FREM2: variants seen among roughly 807,000 people sequenced by gnomAD.
FREM2 encodes the protein FRAS1 related extracellular matrix 2.
Under a neutral mutation model 219.9 loss-of-function variants are expected in FREM2, and 119 were observed. The ratio of observed to expected loss-of-function variants is 0.54; its 90% CI spans 0.47 to 0.63. FREM2 has a LOEUF of 0.63. Ranked by LOEUF, FREM2 falls within the 30% of genes least tolerant of loss-of-function variation. The probability of loss-of-function intolerance (pLI) is 0.00; values close to 1 mark genes in which losing one functional copy is unlikely to be tolerated. For synonymous variants in FREM2, 1,562 were observed against 1,522.8 expected (o/e 1.03, Z -0.60); for missense variants, 4,030 against 3,993.6 (o/e 1.01, Z -0.25).
In FREM2 at chr13:38,689,441, C is replaced by G. The variant is rs1869698393; in HGVS notation, c.2097C>G (p.Leu699=). The G allele has an allele frequency of 6.2e-7, 1 of 1,614,042 alleles. No individual in the cohort carries two copies. The highest frequency in any genetic ancestry group is 2.2e-5 in the East Asian group (1 of 44,870). The change falls in exon 1 of 24, where the codon CTC becomes CTG. Residue 699 remains leucine (L), a synonymous_variant. Transcript: ENST00000280481. ...FVIRIHPVDR[L]PPELGSGCPL... is the part of the protein sequence containing the mutation. ...TTCGTATCCATCCTGTGGATCGCCTCCCTCCGGAGCTGGGCAGTGGCTGTC... is the reference window on the plus strand; with the variant it reads ...TTCGTATCCATCCTGTGGATCGCCTGCCTCCGGAGCTGGGCAGTGGCTGTC...
intron 2 of FREM2, among the ~76,000 whole-genome samples, chr13:38,740,414 A>G (rs1447128883): frequency 6.6e-6 from 1 of 152,164 alleles, no homozygotes; most frequent in Non-Finnish European, 1.5e-5. Context: ...CAATGTGTAC[A>G]CTATTAGGAG....
At chr13:38,712,675 C>A (rs201159268) in intron 2 of FREM2, among the ~76,000 whole-genome samples, 103 of 139,760 alleles carry the variant, frequency 7.4e-4, no homozygotes, top group African/African-American at 2.6e-3. Context: ...CACACACACA[C>A]AAACACACAC....
At chr13:38,793,264 A>G (rs1345673196) in intron 6 of FREM2, among the ~76,000 whole-genome samples, 1 of 152,208 alleles carries the variant, frequency 6.6e-6, no homozygotes. Context: ...AGACAAGCAT[A>G]AAATAAATGT....
intron 6 of FREM2, among the ~76,000 whole-genome samples, chr13:38,829,472 A>G (rs144273053): frequency 0.011 from 1,674 of 152,184 alleles, 33 homozygotes; most frequent in African/African-American, 0.039. Context: ...TCAACTATTT[A>G]TCATTATTTC....
intron 2 of FREM2, among the ~76,000 whole-genome samples, chr13:38,706,795 A>G (rs1284408724): frequency 2.6e-5 from 4 of 152,210 alleles, no homozygotes; most frequent in African/African-American, 9.6e-5. Context: ...TAAGTATTAA[A>G]GCCTTGTACC....
chr13:38,700,463 C>T (rs532040219), intron 2 of FREM2, among the ~76,000 whole-genome samples: 3 of 152,096 alleles, frequency 2.0e-5, no homozygotes, highest in East Asian at 1.9e-4. Context: ...ACTTAATACA[C>T]GTTGGTTGAT....
chr13:38,849,424 A>G (rs920200337), intron 8 of FREM2, among the ~76,000 whole-genome samples: 9 of 152,098 alleles, frequency 5.9e-5, no homozygotes, highest in Non-Finnish European at 1.0e-4. Flanking sequence ...TCCTTCCCCT[A>G]GACACTCATC....
At chr13:38,771,771 AC>A (rs1470693849) in intron 4 of FREM2, among the ~76,000 whole-genome samples, 1 of 152,132 alleles carries the variant, frequency 6.6e-6, no homozygotes, top group Admixed American at 6.5e-5. Context: ...CTTGTTGAAG[AC>A]CATTGGTCTT....
At chr13:38,710,736 G>C (rs1331974200) in intron 2 of FREM2, among the ~76,000 whole-genome samples, 1 of 152,136 alleles carries the variant, frequency 6.6e-6, no homozygotes, top group Non-Finnish European at 1.5e-5. Flanking sequence ...GTGAATTGTT[G>C]ATTTCTATTT....
chr13:38,701,904 C>T (rs1017035093), intron 2 of FREM2, among the ~76,000 whole-genome samples: 1 of 151,922 alleles, frequency 6.6e-6, no homozygotes, highest in African/African-American at 2.4e-5. Context: ...TCCTTCATAT[C>T]AAAAAAGGTA....
rs776423808 is a variant in FREM2 at position 38,856,240 on chromosome 13, T to G, written c.7040T>G (p.Met2347Arg). ...FTVHLKPDEN[M>R]IAEMQLTKAI... ...GTTCACCTAAAACCTGATGAAAATA[T>G]GATAGCAGAGATGCAGGTAAGTAAT... is the stretch of plus-strand genomic sequence containing the variant. Residue 2347 changes from methionine to arginine, a missense_variant, in exon 12 of 24, where the codon ATG becomes AGG. Coordinates refer to ENST00000280481, the MANE Select transcript of FREM2 (RefSeq NM_207361.6). 1.2e-6 allele frequency: 2 copies of G among 1,612,686 alleles called. No individual in the cohort carries two copies. Among genetic ancestry groups the G allele is most frequent in the East Asian group, 2.2e-5 (1 of 44,796 alleles).
intron 2 of FREM2, among the ~76,000 whole-genome samples, chr13:38,716,583 GC>G: frequency 1.3e-5 from 2 of 151,814 alleles, no homozygotes; most frequent in Non-Finnish European, 2.9e-5. Context: ...CATGATCTCA[GC>G]TCACTGAGAT....
chr13:38,745,393 T>C (rs541330248), intron 2 of FREM2, among the ~76,000 whole-genome samples: 1 of 152,300 alleles, frequency 6.6e-6, no homozygotes, highest in African/African-American at 2.4e-5. Context: ...TTCTATCCCA[T>C]ACTTAAGAAA....
chr13:38,740,276 G>C (rs530370784), intron 2 of FREM2, among the ~76,000 whole-genome samples: 14 of 152,228 alleles, frequency 9.2e-5, no homozygotes, highest in African/African-American at 3.4e-4. Flanking sequence ...ATTTTATACT[G>C]TATTTTCATG....
In FREM2 at chr13:38,884,304, G is replaced by A. The variant is rs890483252; in HGVS notation, c.*3517G>A. On this transcript the variant is annotated 3_prime_UTR_variant, in exon 24 of 24. Coordinates refer to ENST00000280481, the MANE Select transcript of FREM2 (RefSeq NM_207361.6). ...AAAGTCAACATTAAAAATGTAAATG[G>A]ACCTGTGTAAATATCACAGAGAGCT... 2.0e-5 allele frequency: 3 copies of A among 152,114 alleles called. No individual in the cohort carries two copies. Among genetic ancestry groups the A allele is most frequent in the Non-Finnish European group, 4.4e-5 (3 of 68,018 alleles). The allele number at this position is 152,114 out of a possible 1,614,324, so 9.4% of individuals were successfully genotyped here. A position where few individuals can be genotyped will look rare whatever the true frequency, so the allele number is the denominator to read the frequency against.
At chr13:38,790,369 T>G (rs1593409546) in intron 6 of FREM2, among the ~76,000 whole-genome samples, 1 of 152,320 alleles carries the variant, frequency 6.6e-6, no homozygotes, top group East Asian at 1.9e-4. Context: ...ACTCTATTTT[T>G]TTTTCAATTC....
chr13:38,805,536 C>G (rs74894026), intron 6 of FREM2, among the ~76,000 whole-genome samples: 253 of 152,000 alleles, frequency 1.7e-3, no homozygotes, highest in African/African-American at 4.0e-3. Flanking sequence ...AAATACAGAA[C>G]TAACTAAGCT....
intron 2 of FREM2, among the ~76,000 whole-genome samples, chr13:38,756,444 C>T (rs1470977970): frequency 6.6e-6 from 1 of 151,714 alleles, no homozygotes; most frequent in African/African-American, 2.4e-5. Context: ...ATCTAGCACA[C>T]GAATTTTCTT....
intron 4 of FREM2, among the ~76,000 whole-genome samples, chr13:38,782,058 C>T (rs965322592): frequency 2.7e-4 from 41 of 152,190 alleles, no homozygotes; most frequent in African/African-American, 8.9e-4. Context: ...AAACATTAGG[C>T]GTGGTTCCCA....
Sources: allele counts gnomAD v4.1 joint callset (sites outside exome capture counted in the v4.1 genomes callset), GRCh38; gene constraint gnomAD v4.1.1; transcripts MANE v1.5; gene names NCBI Gene and HGNC (gene_info 2026-07-23, HGNC 2026-07-21).